Variants in SV2B observed in about 807,000 individuals in gnomAD.
The protein encoded by SV2B is synaptic vesicle glycoprotein 2B.
In SV2B, 41 loss-of-function variants were observed where a neutral mutation model predicts 73.9. That is an observed-to-expected ratio of 0.56 (90% CI 0.43 to 0.72). SV2B has a LOEUF of 0.72. SV2B is among the 30% of genes least tolerant of loss of function. SV2B has a pLI of 0.00. For missense variants in SV2B, 764 were observed against 857.8 expected (o/e 0.89, Z 1.37); for synonymous variants, 314 against 314.2 (o/e 1.00, Z 0.01).
chr15:91,132,355 G>A lies in SV2B; in HGVS notation c.-392+31992G>A, dbSNP rs1038910586. Among the ~76,000 whole-genome samples the A allele has an allele frequency of 1.3e-5, 2 of 152,196 alleles. No individual in the cohort carries two copies. The highest frequency in any genetic ancestry group is 4.8e-5 in the African/African-American group (2 of 41,458). The stretch of plus-strand genomic sequence containing the variant: ...GAAGTTACAAAGGTCACACACCTGT[G>A]CAAACATTGGTTGCAAAAACAATCA... On this transcript the variant is annotated intron_variant, in intron 1 of 12. Transcript: ENST00000394232. The surrounding 1 kb of genome is among the most constrained non-coding windows in gnomAD (Gnocchi z 4.6).
intron 1 of SV2B, among the ~76,000 whole-genome samples, chr15:91,211,716 C>T (rs1420756189): frequency 1.3e-5 from 2 of 151,240 alleles, no homozygotes; most frequent in Non-Finnish European, 2.9e-5. Context: ...ATTGGCTAGG[C>T]TGGTCTCAAA....
chr15:91,147,960 C>G (rs938107359), intron 1 of SV2B, among the ~76,000 whole-genome samples: 3 of 145,444 alleles, frequency 2.1e-5, no homozygotes, highest in South Asian at 2.2e-4. Context: ...CCGCACCCCC[C>G]CCAACTTTTT....
At chr15:91,251,039 T>C (rs921570789) in intron 2 of SV2B, among the ~76,000 whole-genome samples, 7 of 152,188 alleles carry the variant, frequency 4.6e-5, no homozygotes, top group African/African-American at 1.7e-4. Flanking sequence ...ACCACACTAC[T>C]TGCTTTCAAA....
chr15:91,215,138 C>G (rs752829602), intron 1 of SV2B, among the ~76,000 whole-genome samples: 5 of 152,234 alleles, frequency 3.3e-5, no homozygotes, highest in Admixed American at 1.3e-4. Context: ...GGCATCTCCA[C>G]AAGTCCAAGC....
At position 91,224,130 on chromosome 15, in the gene SV2B, G is replaced by A. The variant is rs2046302166; in HGVS notation, c.-391-1743G>A. ...CCAGGAGGGCCAGGAAGCAGGTGTGGGGCAGAGGGCCCAGGGATGGGCTGT... is the reference window on the plus strand; with the variant it reads ...CCAGGAGGGCCAGGAAGCAGGTGTGAGGCAGAGGGCCCAGGGATGGGCTGT... On this transcript the variant is annotated intron_variant, in intron 1 of 12. Coordinates refer to ENST00000394232, the MANE Select transcript of SV2B (RefSeq NM_001323032.3). The surrounding 1 kb of genome is among the most constrained non-coding windows in gnomAD (Gnocchi z 4.9). Among the ~76,000 whole-genome samples the A allele has an allele frequency of 6.6e-6, 1 of 152,190 alleles. No homozygotes were observed. Among genetic ancestry groups the A allele is most frequent in the Admixed American group, 6.5e-5 (1 of 15,288 alleles).
chr15:91,217,413 G>C (rs928810685), intron 1 of SV2B, among the ~76,000 whole-genome samples: 2 of 152,118 alleles, frequency 1.3e-5, no homozygotes, highest in Non-Finnish European at 2.9e-5. Context: ...GAGTAATTCT[G>C]AACGTTTGGG....
rs1228482221 is a variant in SV2B at position 91,223,609 on chromosome 15, G to A, written c.-391-2264G>A. Among the ~76,000 whole-genome samples the A allele has an allele frequency of 1.3e-5, 2 of 152,124 alleles. No individual in the cohort carries two copies. Among genetic ancestry groups the A allele is most frequent in the African/African-American group, 4.8e-5 (2 of 41,408 alleles). ...ATAACACACCAGATCTCAGTCAGGT[G>A]GCGTTCTTTCCATGTTTTTATAGCG... On this transcript the variant is annotated intron_variant, in intron 1 of 12. Coordinates refer to ENST00000394232, the MANE Select transcript of SV2B (RefSeq NM_001323032.3). The surrounding 1 kb of genome is among the most constrained non-coding windows in gnomAD (Gnocchi z 4.6).
chr15:91,154,861 GT>G (rs2043434331), intron 1 of SV2B, among the ~76,000 whole-genome samples: 1 of 152,138 alleles, frequency 6.6e-6, no homozygotes, highest in African/African-American at 2.4e-5. Flanking sequence ...GGAAATTTCT[GT>G]TGTTTTAAGC....
chr15:91,268,358 CT>C lies in SV2B; in HGVS notation c.1209-82del. 1.5e-6 allele frequency: 2 copies of C among 1,337,992 alleles called. No homozygotes were observed. The highest frequency in any genetic ancestry group is 3.3e-5 in the South Asian group (2 of 59,726). The allele number at this position is 1,337,992 out of a possible 1,614,324, so 82.9% of individuals were successfully genotyped here. ...TTAATGTATTTTCAATGAGTTTGATCTGCATCAAGTCAAGAGTGTAGACCCT... is the reference window on the plus strand; with the variant it reads ...TTAATGTATTTTCAATGAGTTTGATCGCATCAAGTCAAGAGTGTAGACCCT... On this transcript the variant is annotated intron_variant, in intron 8 of 12. Transcript: ENST00000394232. The surrounding 1 kb of genome is among the most constrained non-coding windows in gnomAD (Gnocchi z 4.4).
rs574072877 is a variant in SV2B at position 91,264,845 on chromosome 15, T to C, written c.1009-1737T>C. Among the ~76,000 whole-genome samples the C allele has an allele frequency of 1.0e-3, 152 of 152,218 alleles. 2 individuals are homozygous for C. Among genetic ancestry groups the C allele is most frequent in the South Asian group, 5.0e-3 (24 of 4,820 alleles). ...GCGGAGAGTTACAAAATGTTGGAGTTGGTCTTATCCCAGCATGCGTGCCAG... is the reference window on the plus strand; with the variant it reads ...GCGGAGAGTTACAAAATGTTGGAGTCGGTCTTATCCCAGCATGCGTGCCAG... On this transcript the variant is annotated intron_variant, in intron 6 of 12. Transcript: ENST00000394232.
Position 91,268,771 on chromosome 15 carries a change from C to A in SV2B, c.1373+166C>A, listed in dbSNP as rs187923645. Reference sequence around the variant, plus strand: ...TGGCTGCCAGTGACGCCATAGCTCCCCTAGTGGCTGTGTCTGTGTTGTGCT... The same window carrying A: ...TGGCTGCCAGTGACGCCATAGCTCCACTAGTGGCTGTGTCTGTGTTGTGCT... On this transcript the variant is annotated intron_variant, in intron 9 of 12. Transcript: ENST00000394232. This position sits in a 1 kb window ranked among gnomAD's most constrained non-coding sequence, Gnocchi z 4.4. Among the ~76,000 whole-genome samples the A allele has an allele frequency of 3.8e-3, 577 of 152,288 alleles. No individual in the cohort carries two copies. Among genetic ancestry groups the A allele is most frequent in the Middle Eastern group, 0.014 (4 of 294 alleles).
At chr15:91,199,380 C>T (rs979459705) in intron 1 of SV2B, among the ~76,000 whole-genome samples, 4 of 152,036 alleles carry the variant, frequency 2.6e-5, no homozygotes, top group African/African-American at 9.7e-5. Flanking sequence ...CAGTGTGCTC[C>T]GGGGACCAGA....
intron 1 of SV2B, among the ~76,000 whole-genome samples, chr15:91,154,572 C>A (rs77710042): frequency 6.6e-6 from 1 of 152,058 alleles, no homozygotes; most frequent in African/African-American, 2.4e-5. Context: ...TATTTAGATA[C>A]GGGGTTTTTG....
At position 91,198,718 on chromosome 15, in the gene SV2B, A is replaced by G. The variant is rs556301928; in HGVS notation, c.-391-27155A>G. The stretch of plus-strand genomic sequence containing the variant: ...AACCCTAGACGATACGGAGAAAGCA[A>G]TAATCTGGCTGTGGTGCTCTTGCCC... On this transcript the variant is annotated intron_variant, in intron 1 of 12. Transcript: ENST00000394232. 1.3e-3 allele frequency among the ~76,000 whole-genome samples: 193 copies of G among 152,364 alleles called. 1 individual carries two copies. The highest frequency in any genetic ancestry group is 3.6e-3 in the African/African-American group (148 of 41,588).
intron 1 of SV2B, among the ~76,000 whole-genome samples, chr15:91,144,881 G>A (rs1388019238): frequency 1.4e-5 from 2 of 143,696 alleles, no homozygotes; most frequent in African/African-American, 5.4e-5. Flanking sequence ...TCCTTAAGGT[G>A]TGATGAAGAG....
At chr15:91,166,684 A>G (rs142551660) in intron 1 of SV2B, among the ~76,000 whole-genome samples, 1,530 of 152,046 alleles carry the variant, frequency 0.01, 24 homozygotes, top group African/African-American at 0.033. Context: ...GATACTTTTA[A>G]TTGACCTATT....
At chr15:91,184,180 G>C (rs1193572773) in intron 1 of SV2B, among the ~76,000 whole-genome samples, 1 of 152,110 alleles carries the variant, frequency 6.6e-6, no homozygotes, top group Non-Finnish European at 1.5e-5. Context: ...CCGTTAAATA[G>C]AGTCCCCAAA....
intron 1 of SV2B, among the ~76,000 whole-genome samples, chr15:91,120,797 G>A (rs1340533967): frequency 7.1e-6 from 1 of 140,242 alleles, no homozygotes; most frequent in Admixed American, 7.2e-5. Context: ...GTGTGACAGA[G>A]TGAGAACCTG....
Position 91,232,050 on chromosome 15 carries a change from C to T in SV2B, c.451+5336C>T, listed in dbSNP as rs1163875028. Among the ~76,000 whole-genome samples, 5 of 152,068 alleles carry T rather than the reference C, an allele frequency of 3.3e-5. No individual in the cohort carries two copies. The highest frequency in any genetic ancestry group is 1.3e-4 in the Admixed American group (2 of 15,266). The stretch of plus-strand genomic sequence containing the variant: ...TGCAAATTCTAGCCGAGCATCAGGG[C>T]ATAATATTTGATTTATGAGCCGTGT... On this transcript the variant is annotated intron_variant, in intron 2 of 12. Coordinates refer to ENST00000394232, the MANE Select transcript of SV2B (RefSeq NM_001323032.3). This position sits in a 1 kb window ranked among gnomAD's most constrained non-coding sequence, Gnocchi z 4.7.
Sources: allele counts gnomAD v4.1 joint callset (sites outside exome capture counted in the v4.1 genomes callset), GRCh38; gene constraint gnomAD v4.1.1; non-coding constraint Gnocchi (gnomAD v3.1); transcripts MANE v1.5; gene names NCBI Gene and HGNC (gene_info 2026-07-23, HGNC 2026-07-21).